CTNNA2: variants seen among roughly 807,000 people sequenced by gnomAD.
The protein encoded by CTNNA2 is catenin alpha 2.
A neutral mutation model predicts 101.0 loss-of-function variants in CTNNA2; 42 were observed. That is an observed-to-expected ratio of 0.42 (90% CI 0.32 to 0.54). The LOEUF is 0.54. Ranked by LOEUF, CTNNA2 falls within the 20% of genes least tolerant of loss-of-function variation. The pLI, the probability that CTNNA2 is intolerant of heterozygous loss-of-function variation, is 0.14. For synonymous variants in CTNNA2, 450 were observed against 456.4 expected, an observed-to-expected ratio of 0.99 and a Z score of 0.18; for missense variants, 871 against 1,223.1, an observed-to-expected ratio of 0.71 and a Z score of 4.29.
chr2:79,594,254 C>G (rs543644345), intron 1 of CTNNA2, among the ~76,000 whole-genome samples: 21 of 152,216 alleles, frequency 1.4e-4, no homozygotes, highest in African/African-American at 4.8e-4. Flanking sequence ...AACCCCCCTA[C>G]TGATTGCCAT....
intron 3 of CTNNA2, among the ~76,000 whole-genome samples, chr2:79,350,073 C>CAAAAA (rs59503765): frequency 7.0e-5 from 4 of 57,452 alleles, no homozygotes; most frequent in Admixed American, 2.4e-4. Context: ...GACTCCTTCT[C>CAAAAA]AAAAAAAAAA....
chr2:79,901,739 C>G (rs1226913650), intron 6 of CTNNA2, among the ~76,000 whole-genome samples: 1 of 152,200 alleles, frequency 6.6e-6, no homozygotes, highest in East Asian at 1.9e-4. Context: ...AGACCATTGT[C>G]AGCTGTGCAC....
chr2:80,628,128 G>A (rs1011519863), intron 18 of CTNNA2, among the ~76,000 whole-genome samples: 1 of 152,032 alleles, frequency 6.6e-6, no homozygotes, highest in Non-Finnish European at 1.5e-5. Flanking sequence ...ACAAACAAAT[G>A]GAAAAGCATT....
At chr2:80,517,887 T>C (rs1689224161) in intron 9 of CTNNA2, among the ~76,000 whole-genome samples, 1 of 152,194 alleles carries the variant, frequency 6.6e-6, no homozygotes, top group African/African-American at 2.4e-5. Flanking sequence ...ATGATCAGAG[T>C]GTATTGAAAA....
At chr2:80,350,186 A>T (rs1012470062) in intron 7 of CTNNA2, among the ~76,000 whole-genome samples, 2 of 152,114 alleles carry the variant, frequency 1.3e-5, no homozygotes, top group African/African-American at 4.8e-5. Flanking sequence ...AATTTTCAGT[A>T]TGAGGGAATG....
At chr2:80,570,048 T>A (rs1425555379) in intron 12 of CTNNA2, among the ~76,000 whole-genome samples, 3 of 151,930 alleles carry the variant, frequency 2.0e-5, no homozygotes, top group Non-Finnish European at 4.4e-5. Flanking sequence ...TTTTTATGTC[T>A]CATCACTCTT....
At chr2:79,413,474 C>T (rs1678440731) in intron 4 of CTNNA2, among the ~76,000 whole-genome samples, 1 of 152,006 alleles carries the variant, frequency 6.6e-6, no homozygotes, top group Non-Finnish European at 1.5e-5. Flanking sequence ...TTGACAGACA[C>T]TTAGGTTGAT....
chr2:79,433,708 A>AACTTGTAACCAGAG (rs1401895286), intron 4 of CTNNA2, among the ~76,000 whole-genome samples: 2 of 151,964 alleles, frequency 1.3e-5, no homozygotes, highest in Non-Finnish European at 2.9e-5. Flanking sequence ...TGTAACCAGA[A>AACTTGTAACCAGAG]AACTTGTAAT....
In CTNNA2 at chr2:79,806,303, T is replaced by C. The variant is rs186856714; in HGVS notation, c.299-51710T>C. Among the ~76,000 whole-genome samples the C allele has an allele frequency of 6.3e-3, 964 of 152,154 alleles. 2 individuals carry two copies. The highest frequency in any genetic ancestry group is 9.4e-3 in the Non-Finnish European group (636 of 68,000). On this transcript the variant is annotated intron_variant, in intron 3 of 18. Transcript: ENST00000402739. ...GAAGGGAGCATATTGGCATTTCAGG[T>C]AGATGACTTGGGAGGCAACTTAGAG...
chr2:79,480,120 A>C (rs913378447), intron 4 of CTNNA2, among the ~76,000 whole-genome samples: 2 of 152,006 alleles, frequency 1.3e-5, no homozygotes, highest in African/African-American at 4.8e-5. Context: ...AGGAGGCAAG[A>C]GAGAGAAGGG....
chr2:79,972,985 A>G (rs1690591978), intron 7 of CTNNA2, among the ~76,000 whole-genome samples: 1 of 152,126 alleles, frequency 6.6e-6, no homozygotes, highest in Non-Finnish European at 1.5e-5. Context: ...CTCATGATTG[A>G]TCTAAAATTA....
intron 7 of CTNNA2, among the ~76,000 whole-genome samples, chr2:79,979,921 G>A (rs962774102): frequency 1.3e-4 from 20 of 152,220 alleles, no homozygotes; most frequent in Admixed American, 2.6e-4. Context: ...ATGGTACTGA[G>A]ACATTGAAGC....
chr2:79,470,309 C>T (rs1415972789), intron 4 of CTNNA2, among the ~76,000 whole-genome samples: 1 of 152,008 alleles, frequency 6.6e-6, no homozygotes, highest in Non-Finnish European at 1.5e-5. Flanking sequence ...TTAAGTCCAG[C>T]CTGGGTAAGA....
chr2:79,931,825 A>C (rs753431750), intron 7 of CTNNA2, among the ~76,000 whole-genome samples: 9 of 152,174 alleles, frequency 5.9e-5, no homozygotes, highest in Non-Finnish European at 1.0e-4. Flanking sequence ...GCTTAATGCT[A>C]TACAAGGCTC....
intron 15 of CTNNA2, among the ~76,000 whole-genome samples, chr2:80,601,413 C>CTTTTTTT (rs1697501313): frequency 1.6e-5 from 1 of 61,856 alleles, no homozygotes; most frequent in African/African-American, 5.7e-5. Context: ...TTTTTTCTTT[C>CTTTTTTT]TTTCTTTCTT....
chr2:80,262,394 T>C (rs1672676012), intron 7 of CTNNA2, among the ~76,000 whole-genome samples: 1 of 152,254 alleles, frequency 6.6e-6, no homozygotes, highest in East Asian at 1.9e-4. Flanking sequence ...GATTTCATTA[T>C]TGCAACAATG....
intron 7 of CTNNA2, among the ~76,000 whole-genome samples, chr2:80,161,068 A>T (rs922960549): frequency 6.6e-6 from 1 of 152,056 alleles, no homozygotes; most frequent in Non-Finnish European, 1.5e-5. Flanking sequence ...CTTGAGACAG[A>T]GTCTCTCTCT....
chr2:80,058,276 G>C (rs1234896176), intron 7 of CTNNA2, among the ~76,000 whole-genome samples: 2 of 152,150 alleles, frequency 1.3e-5, no homozygotes, highest in Non-Finnish European at 2.9e-5. Flanking sequence ...TACCCATATA[G>C]CTTTTTATTT....
intron 4 of CTNNA2, among the ~76,000 whole-genome samples, chr2:79,411,170 G>T (rs897388851): frequency 3.0e-4 from 45 of 151,840 alleles, no homozygotes; most frequent in Non-Finnish European, 4.7e-4. Context: ...TTTTTATCGC[G>T]TCTATTTGAT....
Sources: gnomAD v4.1 joint callset for allele counts (sites outside exome capture counted in the v4.1 genomes callset) on GRCh38, gnomAD v4.1.1 for gene constraint, MANE v1.5 for transcripts, NCBI Gene and HGNC (gene_info 2026-07-23, HGNC 2026-07-21) for gene names.